MTMR6: variants seen among roughly 807,000 people sequenced by gnomAD.
The protein encoded by MTMR6 is phosphatidylinositol-3,5-bisphosphate 3-phosphatase MTMR6.
A neutral mutation model predicts 80.1 loss-of-function variants in MTMR6; 47 were observed. That is an observed-to-expected ratio of 0.59 (90% CI 0.46 to 0.75). MTMR6 has a LOEUF of 0.75. Ranked by LOEUF, MTMR6 falls within the 30% of genes least tolerant of loss-of-function variation. MTMR6 has a pLI of 0.00. For synonymous variants in MTMR6, 254 were observed against 253.0 expected, an observed-to-expected ratio of 1.00 and a Z score of -0.04; for missense variants, 629 against 730.9, an observed-to-expected ratio of 0.86 and a Z score of 1.61.
At chr13:25,260,919 T>TG in intron 6 of MTMR6, among the ~76,000 whole-genome samples, 1 of 152,258 alleles carries the variant, frequency 6.6e-6, no homozygotes, top group Middle Eastern at 3.4e-3. Flanking sequence ...CTAAGTTAAC[T>TG]GTTTTCCTTA....
At chr13:25,260,782 G>T in intron 6 of MTMR6, 7 of 495,862 alleles carry the variant, frequency 1.4e-5, no homozygotes, top group Non-Finnish European at 1.7e-5. Context: ...GTTTAACTAT[G>T]TTAATAAAAA....
intron 3 of MTMR6, 100 bp downstream of exon 3, chr13:25,267,679 G>A (rs1957488405): frequency 4.0e-6 from 5 of 1,245,766 alleles, no homozygotes; most frequent in Non-Finnish European, 4.4e-6. Context: ...GACTGTCAGA[G>A]CAAAAAAGGA....
At chr13:25,262,216 G>T (rs1362158452) in intron 5 of MTMR6, among the ~76,000 whole-genome samples, 1 of 152,066 alleles carries the variant, frequency 6.6e-6, no homozygotes, top group Non-Finnish European at 1.5e-5. Flanking sequence ...CTTTCTAAAG[G>T]TTTTAAGATC....
At chr13:25,268,864 GT>G (rs1165078063) in intron 2 of MTMR6, among the ~76,000 whole-genome samples, 4 of 152,184 alleles carry the variant, frequency 2.6e-5, no homozygotes, top group Admixed American at 6.5e-5. Flanking sequence ...AGGCATCCCT[GT>G]GCTCTTGGGG....
intron 3 of MTMR6, among the ~76,000 whole-genome samples, chr13:25,267,367 T>C (rs930520227): frequency 1.3e-5 from 2 of 151,906 alleles, no homozygotes; most frequent in Non-Finnish European, 2.9e-5. Context: ...CCCACTCAAA[T>C]CTATTAAATA....
At chr13:25,265,283 C>T (rs746683344) in intron 5 of MTMR6, among the ~76,000 whole-genome samples, 1 of 152,062 alleles carries the variant, frequency 6.6e-6, no homozygotes, top group African/African-American at 2.4e-5. Context: ...TATCTGTTAA[C>T]TAATTCTATT....
At chr13:25,252,399 G>A (rs1325989016) in intron 11 of MTMR6, among the ~76,000 whole-genome samples, 1 of 152,232 alleles carries the variant, frequency 6.6e-6, no homozygotes, top group Non-Finnish European at 1.5e-5. Flanking sequence ...TCATAGGGCA[G>A]GAGCACACGT....
In MTMR6 at chr13:25,257,779, C is replaced by A; in HGVS notation, c.926G>T (p.Arg309Leu). The change falls in exon 8 of 14, where the codon CGC becomes CTC. Residue 309 changes from arginine (R) to leucine (L), a missense_variant. Transcript: ENST00000381801. Reference protein sequence around the residue: ...YSGLESSGWLRHIKAVMDAAI... With the variant: ...YSGLESSGWLLHIKAVMDAAI... ...AGCATCCATAACAGCTTTGATATGG[C>A]GAAGCCATCCCGAGCTCTCCAAACC... The A allele has an allele frequency of 6.2e-7, 1 of 1,613,822 alleles. No individual in the cohort carries two copies. The highest frequency in any genetic ancestry group is 8.5e-7 in the Non-Finnish European group (1 of 1,179,836).
At chr13:25,257,706 C>T in intron 8 of MTMR6, 30 bp downstream of exon 8, 1 of 1,534,188 alleles carries the variant, frequency 6.5e-7, no homozygotes, top group Non-Finnish European at 9.0e-7. Flanking sequence ...TTATAGACCC[C>T]AAGACCAAAT....
chr13:25,278,419 C>T (rs1161051205), intron 1 of MTMR6, among the ~76,000 whole-genome samples: 1 of 152,100 alleles, frequency 6.6e-6, no homozygotes, highest in African/African-American at 2.4e-5. Context: ...ATGGCGAAAC[C>T]CTGCTTTACT....
rs1218137197 is a variant in MTMR6 at position 25,246,277 on chromosome 13, T to C, written c.*2955A>G. ...GTCAAGGTTTCATGTTTACATTTTC[T>C]TATATCAAGTACAATGGTATATATA... On this transcript the variant is annotated 3_prime_UTR_variant, in exon 14 of 14. Transcript: ENST00000381801. 2 of 152,680 alleles carry C rather than the reference T, an allele frequency of 1.3e-5. No homozygotes were observed. The highest frequency in any genetic ancestry group is 2.9e-5 in the Non-Finnish European group (2 of 68,046). The allele number at this position is 152,680 out of a possible 1,614,324, so 9.5% of individuals were successfully genotyped here.
chr13:25,279,763 T>C (rs1957806051), intron 1 of MTMR6, among the ~76,000 whole-genome samples: 1 of 152,050 alleles, frequency 6.6e-6, no homozygotes, highest in South Asian at 2.1e-4. Context: ...TCTTCACTAA[T>C]GGGAATAGGG....
Position 25,261,663 on chromosome 13 carries a change from C to T in MTMR6, c.726+5G>A, listed in dbSNP as rs1566037830. 6.2e-7 allele frequency: 1 copy of T among 1,603,802 alleles called. No individual in the cohort carries two copies. Among genetic ancestry groups the T allele is most frequent in the East Asian group, 2.2e-5 (1 of 44,592 alleles). On this transcript the variant is annotated splice_donor_5th_base_variant and intron_variant, in intron 6 of 13. Transcript: ENST00000381801. ...AGCAGACTGTACTGTATTTAAAATA[C>T]ATACTTTTGGCCTGGTATCCATGAC... is the stretch of plus-strand genomic sequence containing the variant.
Position 25,266,249 on chromosome 13 carries a change from G to C in MTMR6, c.342C>G (p.Pro114=), listed in dbSNP as rs752801124. ...YEDLYAFSYN[P]KQNDSERLQG... ...GTAGTCGTTCTGAATCATTTTGTTT[G>C]GGATTATAAGAAAATGCATAGAGAT... Residue 114 remains proline, a synonymous_variant, in exon 4 of 14, where the codon CCC becomes CCG. Transcript: ENST00000381801. The C allele has an allele frequency of 6.2e-7, 1 of 1,613,020 alleles. No homozygotes were observed. Among genetic ancestry groups the C allele is most frequent in the African/African-American group, 1.3e-5 (1 of 74,972 alleles).
chr13:25,286,695 C>A (rs768465929), intron 1 of MTMR6, among the ~76,000 whole-genome samples: 4 of 152,136 alleles, frequency 2.6e-5, no homozygotes, highest in Non-Finnish European at 5.9e-5. Flanking sequence ...GAAGCACAGA[C>A]ACGGAAACAC....
intron 1 of MTMR6, 43 bp from the exon 2 acceptor site, chr13:25,274,230 T>C: frequency 7.4e-7 from 1 of 1,356,824 alleles, no homozygotes; most frequent in Non-Finnish European, 1.0e-6. Flanking sequence ...AAAAGTAGTA[T>C]AAATTATTTT....
intron 3 of MTMR6, among the ~76,000 whole-genome samples, chr13:25,267,203 T>C (rs1353651086): frequency 1.4e-5 from 2 of 143,774 alleles, no homozygotes; most frequent in Admixed American, 1.5e-4. Flanking sequence ...GCTGAGATTG[T>C]GCCACTGCAC....
At chr13:25,259,666 A>T (rs1287757436) in intron 6 of MTMR6, among the ~76,000 whole-genome samples, 1 of 152,212 alleles carries the variant, frequency 6.6e-6, no homozygotes, top group Non-Finnish European at 1.5e-5. Flanking sequence ...GAAGATAATT[A>T]TACAAATAAG....
intron 1 of MTMR6, among the ~76,000 whole-genome samples, chr13:25,278,513 G>A (rs139738038): frequency 6.6e-6 from 1 of 152,060 alleles, no homozygotes; most frequent in East Asian, 1.9e-4. Flanking sequence ...CTCAGGTCAG[G>A]AGTTCGAAAC....
Sources: allele counts gnomAD v4.1 joint callset (sites outside exome capture counted in the v4.1 genomes callset), GRCh38; gene constraint gnomAD v4.1.1; transcripts MANE v1.5; gene names NCBI Gene and HGNC (gene_info 2026-07-23, HGNC 2026-07-21).